IGSF21: variants seen among roughly 807,000 people sequenced by gnomAD.
IGSF21 encodes immunoglobulin superfamily member 21.
A neutral mutation model predicts 46.8 loss-of-function variants in IGSF21; 28 were observed. That is an observed-to-expected ratio of 0.60 (90% CI 0.44 to 0.82). The LOEUF is 0.82. IGSF21 is among the 40% of genes least tolerant of loss of function. IGSF21 has a pLI of 0.00. For synonymous variants in IGSF21, 284 were observed against 273.6 expected, an observed-to-expected ratio of 1.04 and a Z score of -0.38; for missense variants, 624 against 665.5, an observed-to-expected ratio of 0.94 and a Z score of 0.69.
chr1:18,375,176 T>C (rs1464837347), intron 6 of IGSF21, among the ~76,000 whole-genome samples: 1 of 151,830 alleles, frequency 6.6e-6, no homozygotes, highest in Admixed American at 6.5e-5. Context: ...TTTGCGTATG[T>C]GTTTGTTTGC....
At chr1:18,355,666 A>G (rs114755864) in intron 4 of IGSF21, among the ~76,000 whole-genome samples, 53 of 152,050 alleles carry the variant, frequency 3.5e-4, no homozygotes, top group Non-Finnish European at 5.9e-4. Context: ...GGCAGAGATC[A>G]GTGGATTTAA....
chr1:18,315,821 G>GGCTA (rs2085537241), intron 3 of IGSF21, among the ~76,000 whole-genome samples: 3 of 150,146 alleles, frequency 2.0e-5, no homozygotes, highest in African/African-American at 7.4e-5. Context: ...GGATAGGTGT[G>GGCTA]GATGGCTAGA....
rs79082475 is a variant in IGSF21, at chr1:18,322,737, T to C, written c.306-12155T>C. On this transcript the variant is annotated intron_variant, in intron 3 of 9. Coordinates refer to ENST00000251296, the MANE Select transcript of IGSF21 (RefSeq NM_032880.5). The surrounding 1 kb of genome is among the most constrained non-coding windows in gnomAD (Gnocchi z 4.3). ...CCTGCCCACCCCTGAACCCAGAGCCTGAGTCCAACAGGCTGACCAGTGAGG... is the reference window on the plus strand; with the variant it reads ...CCTGCCCACCCCTGAACCCAGAGCCCGAGTCCAACAGGCTGACCAGTGAGG... Among the ~76,000 whole-genome samples the C allele has an allele frequency of 0.026, 3,710 of 142,110 alleles. 91 individuals carry two copies. The highest frequency in any genetic ancestry group is 0.065 in the African/African-American group (2,613 of 39,996). 93.2% of individuals were successfully genotyped at this position (142,110 alleles called of 152,430 possible).
intron 1 of IGSF21, among the ~76,000 whole-genome samples, chr1:18,199,903 C>A (rs574537647): frequency 1.3e-5 from 2 of 152,036 alleles, no homozygotes; most frequent in South Asian, 4.2e-4. Flanking sequence ...CCCCCCCCTA[C>A]CCCCGTGAGA....
intron 2 of IGSF21, among the ~76,000 whole-genome samples, chr1:18,243,139 A>G (rs1258375606): frequency 6.6e-6 from 1 of 152,204 alleles, no homozygotes; most frequent in Non-Finnish European, 1.5e-5. Flanking sequence ...GGAACAGTCA[A>G]GAAATTTTAA....
intron 2 of IGSF21, among the ~76,000 whole-genome samples, chr1:18,286,059 A>G (rs1013810590): frequency 2.0e-5 from 3 of 152,150 alleles, no homozygotes; most frequent in Non-Finnish European, 4.4e-5. Context: ...TCACCCAGCA[A>G]TCAACTGAGT....
chr1:18,236,781 G>A (rs1288403376), intron 2 of IGSF21, among the ~76,000 whole-genome samples: 1 of 152,210 alleles, frequency 6.6e-6, no homozygotes, highest in Non-Finnish European at 1.5e-5. Flanking sequence ...AGAAATAGTA[G>A]AGTCAGCTGT....
chr1:18,230,663 T>C (rs1351422063), intron 2 of IGSF21, among the ~76,000 whole-genome samples: 1 of 152,060 alleles, frequency 6.6e-6, no homozygotes, highest in Non-Finnish European at 1.5e-5. Flanking sequence ...GGGCTCCGTG[T>C]GGCCAGTTTT....
At chr1:18,182,816 C>T (rs925025114) in intron 1 of IGSF21, among the ~76,000 whole-genome samples, 3 of 152,196 alleles carry the variant, frequency 2.0e-5, no homozygotes, top group African/African-American at 4.8e-5. Context: ...TAATGGGGTC[C>T]GAAGCCTCTC....
At position 18,372,822 on chromosome 1, in the gene IGSF21, TTGGATGGA is replaced by T. The variant is rs562780101; in HGVS notation, c.1016-3452_1016-3445del. On this transcript the variant is annotated intron_variant, in intron 6 of 9. Coordinates refer to ENST00000251296, the MANE Select transcript of IGSF21 (RefSeq NM_032880.5). The stretch of plus-strand genomic sequence containing the variant: ...GATGGATGTTTGGAAGGATGGATAT[TTGGATGGA>T]TGGATGGATGGATGGATGGATGGAT... 1.1e-4 allele frequency among the ~76,000 whole-genome samples: 12 copies of T among 110,590 alleles called. No individual in the cohort carries two copies. In the South Asian group the frequency reaches 1.2e-3, roughly 11 times the overall value. 72.6% of individuals were successfully genotyped at this position (110,590 alleles called of 152,430 possible).
intron 1 of IGSF21, among the ~76,000 whole-genome samples, chr1:18,180,000 T>C (rs2124467939): frequency 6.6e-6 from 1 of 152,282 alleles, no homozygotes; most frequent in African/African-American, 2.4e-5. Context: ...TCTTTCCTGG[T>C]ATTTGAGTGA....
chr1:18,291,752 TG>T, intron 2 of IGSF21, 113 bp from the exon 3 acceptor site: 2 of 1,265,466 alleles, frequency 1.6e-6, no homozygotes, highest in South Asian at 1.4e-5. Context: ...ATTCTCAGGA[TG>T]GGGGCTGTCC....
intron 1 of IGSF21, among the ~76,000 whole-genome samples, chr1:18,187,789 G>A (rs1273195495): frequency 6.6e-6 from 1 of 152,034 alleles, no homozygotes; most frequent in African/African-American, 2.4e-5. Context: ...AATTTTTTCT[G>A]GGGGGGTGGG....
At chr1:18,164,810 G>A (rs1442152812) in intron 1 of IGSF21, among the ~76,000 whole-genome samples, 1 of 151,500 alleles carries the variant, frequency 6.6e-6, no homozygotes, top group African/African-American at 2.4e-5. Context: ...ATGTATACAT[G>A]TACCATGTTG....
intron 1 of IGSF21, among the ~76,000 whole-genome samples, chr1:18,144,619 C>T (rs2086448993): frequency 6.6e-6 from 1 of 152,114 alleles, no homozygotes; most frequent in Non-Finnish European, 1.5e-5. Context: ...CTTGGTCTAA[C>T]CAGAGAAGCC....
chr1:18,175,518 G>C (rs2086786971), intron 1 of IGSF21, among the ~76,000 whole-genome samples: 1 of 152,160 alleles, frequency 6.6e-6, no homozygotes, highest in Admixed American at 6.5e-5. Flanking sequence ...GGAGAGGGGT[G>C]CAGACATCCA....
At chr1:18,143,013 C>A (rs940464155) in intron 1 of IGSF21, among the ~76,000 whole-genome samples, 1 of 152,184 alleles carries the variant, frequency 6.6e-6, no homozygotes, top group Non-Finnish European at 1.5e-5. Flanking sequence ...ATTTGGGGGA[C>A]CCCAGGATGC....
intron 1 of IGSF21, among the ~76,000 whole-genome samples, chr1:18,171,191 T>G (rs35716046): frequency 0.07 from 10,614 of 151,960 alleles, 421 homozygotes; most frequent in Middle Eastern, 0.17. Context: ...AGAGCCACCC[T>G]AGGCTCAGTG....
chr1:18,124,130 T>C (rs758072211), intron 1 of IGSF21, among the ~76,000 whole-genome samples: 7 of 152,212 alleles, frequency 4.6e-5, no homozygotes, highest in African/African-American at 7.2e-5. Context: ...ACACTAGTTA[T>C]AAAGCAGCCC....
Sources: allele counts gnomAD v4.1 joint callset (sites outside exome capture counted in the v4.1 genomes callset), GRCh38; gene constraint gnomAD v4.1.1; non-coding constraint Gnocchi (gnomAD v3.1); transcripts MANE v1.5; gene names NCBI Gene and HGNC (gene_info 2026-07-23, HGNC 2026-07-21).